Variants in SEMA3D observed in about 807,000 individuals in gnomAD.
SEMA3D encodes semaphorin 3D, also known as semaphorin-3D.
SEMA3D carries 84 observed loss-of-function variants against 100.1 expected under a neutral mutation model. That is an observed-to-expected ratio of 0.84 (90% confidence interval 0.70 to 1.01). SEMA3D has a LOEUF of 1.01. Among genes scored for constraint, SEMA3D ranks in the 50% least tolerant of loss-of-function variants. The pLI is 0.00. For missense variants in SEMA3D, 875 were observed against 934.1 expected, an observed-to-expected ratio of 0.94 and a Z score of 0.82; for synonymous variants, 312 against 320.7, an observed-to-expected ratio of 0.97 and a Z score of 0.29.
At chr7:85,127,869 T>C (rs111898818) in intron 2 of SEMA3D, among the ~76,000 whole-genome samples, 57 of 152,268 alleles carry the variant, frequency 3.7e-4, no homozygotes, top group African/African-American at 1.3e-3. Flanking sequence ...TTTTAACTCA[T>C]ACAACTTTTC....
chr7:85,019,236 A>T (rs943927597), intron 14 of SEMA3D, among the ~76,000 whole-genome samples: 13 of 151,768 alleles, frequency 8.6e-5, no homozygotes, highest in African/African-American at 3.1e-4. Context: ...CTTCTTGACC[A>T]CTGTCTAACA....
chr7:85,097,623 C>T (rs1267933314), intron 4 of SEMA3D, among the ~76,000 whole-genome samples, 182 bp downstream of exon 4: 2 of 151,710 alleles, frequency 1.3e-5, no homozygotes, highest in African/African-American at 2.4e-5. Flanking sequence ...TGCATATGTA[C>T]TTAAATCCAT....
chr7:85,179,034 G>A (rs1250642567), intron 1 of SEMA3D, among the ~76,000 whole-genome samples: 1 of 152,192 alleles, frequency 6.6e-6, no homozygotes, highest in Non-Finnish European at 1.5e-5. Flanking sequence ...TGAGATTTGG[G>A]AAACTCTGCC....
At chr7:85,018,754 T>G (rs1027582564) in intron 14 of SEMA3D, among the ~76,000 whole-genome samples, 1 of 151,754 alleles carries the variant, frequency 6.6e-6, no homozygotes, top group Non-Finnish European at 1.5e-5. Flanking sequence ...ATGATCATAT[T>G]CTTTACGGAA....
chr7:85,008,396 G>A (rs1789859666), intron 17 of SEMA3D, among the ~76,000 whole-genome samples: 1 of 151,716 alleles, frequency 6.6e-6, no homozygotes, highest in African/African-American at 2.4e-5. Context: ...TGACATCTCT[G>A]CATCAGTTTC....
intron 1 of SEMA3D, among the ~76,000 whole-genome samples, chr7:85,164,532 T>C (rs1180912362): frequency 1.3e-5 from 2 of 152,100 alleles, no homozygotes; most frequent in Non-Finnish European, 2.9e-5. Context: ...CTGCATTTGA[T>C]TTTCATGCTT....
intron 1 of SEMA3D, among the ~76,000 whole-genome samples, chr7:85,154,643 G>C (rs1371599028): frequency 6.6e-6 from 1 of 152,112 alleles, no homozygotes; most frequent in Non-Finnish European, 1.5e-5. Flanking sequence ...AAATACAGTA[G>C]AACAGATTGT....
chr7:85,057,086 T>C (rs1485424736), intron 8 of SEMA3D, among the ~76,000 whole-genome samples: 1 of 151,972 alleles, frequency 6.6e-6, no homozygotes, highest in Non-Finnish European at 1.5e-5. Flanking sequence ...ATGTCATTAT[T>C]AAAAATTTAG....
chr7:85,015,250 A>G (rs758086830), intron 15 of SEMA3D, 34 bp from the exon 16 acceptor site: 1 of 1,593,302 alleles, frequency 6.3e-7, no homozygotes, highest in Non-Finnish European at 8.6e-7. Flanking sequence ...AATTAGAAGC[A>G]TCTTTCAGAC....
At chr7:85,188,870 C>A (rs1272796705), upstream of SEMA3D, among the ~76,000 whole-genome samples, 1 of 152,186 alleles carries the variant, frequency 6.6e-6, no homozygotes, top group Non-Finnish European at 1.5e-5. Flanking sequence ...GATTTCACTA[C>A]TATAATAAGC....
chr7:85,231,577 AGTGGCTGG>A, the SEMA3D span, among the ~76,000 whole-genome samples: 1 of 148,954 alleles, frequency 6.7e-6, no homozygotes, highest in Non-Finnish European at 1.5e-5. Flanking sequence ...CAGCCTCCCC[AGTGGCTGG>A]GACTACAGGC....
chr7:85,229,487 G>A, the SEMA3D span, among the ~76,000 whole-genome samples: 1 of 151,874 alleles, frequency 6.6e-6, no homozygotes, highest in Non-Finnish European at 1.5e-5. Context: ...TACAAAAATG[G>A]TCATGGCTCT....
At chr7:85,246,824 C>T in the SEMA3D span, among the ~76,000 whole-genome samples, 1 of 151,576 alleles carries the variant, frequency 6.6e-6, no homozygotes, top group Non-Finnish European at 1.5e-5. Context: ...TGCTCATAAG[C>T]TTGTTGAGAT....
At chr7:85,053,177 G>A (rs183660169) in intron 9 of SEMA3D, among the ~76,000 whole-genome samples, 79 of 152,040 alleles carry the variant, frequency 5.2e-4, no homozygotes, top group African/African-American at 1.8e-3. Flanking sequence ...GGAATATGCT[G>A]GTGGAACAAA....
intron 2 of SEMA3D, among the ~76,000 whole-genome samples, chr7:85,133,759 G>A (rs1259154865): frequency 6.6e-6 from 1 of 151,892 alleles, no homozygotes; most frequent in Non-Finnish European, 1.5e-5. Flanking sequence ...CTGCATCTAC[G>A]AAATAGGATT....
intron 2 of SEMA3D, among the ~76,000 whole-genome samples, chr7:85,138,670 T>A (rs1789941284): frequency 6.8e-6 from 1 of 146,374 alleles, no homozygotes; most frequent in African/African-American, 2.5e-5. Context: ...ATATATTAAA[T>A]TAAATATATA....
At chr7:85,090,009 A>T (rs992827224) in intron 4 of SEMA3D, among the ~76,000 whole-genome samples, 6 of 152,204 alleles carry the variant, frequency 3.9e-5, no homozygotes, top group African/African-American at 9.7e-5. Flanking sequence ...TCAGTAATTT[A>T]GAACCTGTGG....
chr7:85,108,974 A>G (rs1789012418), intron 3 of SEMA3D, among the ~76,000 whole-genome samples: 1 of 151,926 alleles, frequency 6.6e-6, no homozygotes, highest in Admixed American at 6.6e-5. Context: ...GACGCATTGT[A>G]GACTTTCATT....
chr7:85,016,822 G>C (rs1584526233), intron 15 of SEMA3D, among the ~76,000 whole-genome samples: 1 of 112,216 alleles, frequency 8.9e-6, no homozygotes, highest in Non-Finnish European at 1.8e-5. Flanking sequence ...TTCTCACTAT[G>C]TTGCCCAGAC....
Sources: gnomAD v4.1 joint callset for allele counts (sites outside exome capture counted in the v4.1 genomes callset) on GRCh38, gnomAD v4.1.1 for gene constraint, MANE v1.5 for transcripts, NCBI Gene and HGNC (gene_info 2026-07-23, HGNC 2026-07-21) for gene names.